The following CSF3R variants were observed in gnomAD, a reference collection of about 807,000 sequenced individuals.
CSF3R encodes the protein colony stimulating factor 3 receptor.
A neutral mutation model predicts 84.4 loss-of-function variants in CSF3R; 52 were observed. The ratio of observed to expected loss-of-function variants is 0.62; its 90% CI spans 0.49 to 0.78. The LOEUF (loss-of-function observed/expected upper bound fraction) is 0.78. CSF3R is among the 30% of genes least tolerant of loss of function. The pLI is 0.00. For missense variants in CSF3R, 890 were observed against 1,055.7 expected (o/e 0.84, Z 2.17); for synonymous variants, 384 against 429.1 (o/e 0.89, Z 1.30).
intron 4 of CSF3R, among the ~76,000 whole-genome samples, 199 bp from the exon 5 acceptor site, chr1:36,474,086 A>G (rs1314893957): frequency 6.6e-6 from 1 of 152,212 alleles, no homozygotes; most frequent in Non-Finnish European, 1.5e-5. Context: ...CGGGGCAAGC[A>G]TCACAGACTC....
At chr1:36,468,033 C>T (rs1650452898) in intron 13 of CSF3R, 42 bp downstream of exon 13, 2 of 1,614,134 alleles carry the variant, frequency 1.2e-6, no homozygotes, top group African/African-American at 2.7e-5. Context: ...GCACCCCCTT[C>T]CAGGCCTTCT....
chr1:36,480,991 A>G (rs3917920), intron 2 of CSF3R, among the ~76,000 whole-genome samples: 3,892 of 152,292 alleles, frequency 0.026, 188 homozygotes, highest in African/African-American at 0.089. Flanking sequence ...AACCTGTACA[A>G]GTATCCCGAG....
At chr1:36,473,099 T>A in intron 6 of CSF3R, 1 of 404,772 alleles carries the variant, frequency 2.5e-6, no homozygotes. Flanking sequence ...CTATCTTATT[T>A]TCCCCCCCAC....
At chr1:36,477,651 C>T (rs2124145363) in intron 3 of CSF3R, 1 of 152,258 alleles carries the variant, frequency 6.6e-6, no homozygotes, top group South Asian at 2.1e-4. Context: ...TTCTTAGGCC[C>T]GTTTTACTGA....
Position 36,473,903 on chromosome 1 carries a change from AAG to A in CSF3R, c.362-18_362-17del. The A allele has an allele frequency of 6.2e-7, 1 of 1,613,710 alleles. No homozygotes were observed. Among genetic ancestry groups the A allele is most frequent in the Non-Finnish European group, 8.5e-7 (1 of 1,179,896 alleles). On this transcript the variant is annotated splice_polypyrimidine_tract_variant and intron_variant, in intron 4 of 16. Transcript: ENST00000373106. ...GCTGGAGGGTCTGCATGTGGGTGGGAAGAGTGTGAGGGCTTTGGGTGGGACCA... is the reference window on the plus strand; with the variant it reads ...GCTGGAGGGTCTGCATGTGGGTGGGAAGTGTGAGGGCTTTGGGTGGGACCA...
Position 36,466,437 on chromosome 1 carries a change from A to C in CSF3R, c.2431T>G (p.Cys811Gly), listed in dbSNP as rs1650315583. 6.2e-7 allele frequency: 1 copy of C among 1,613,600 alleles called. No individual in the cohort carries two copies. The highest frequency in any genetic ancestry group is 2.2e-5 in the East Asian group (1 of 44,868). ...VTPAPSQEDD[C>G]VFGPLLNFPL... ...AAGTTGAGCAGTGGCCCAAAGACAC[A>C]GTCGTCCTCCTGGCTTGGGGCTGGG... is the stretch of plus-strand genomic sequence containing the variant. The change falls in exon 17 of 17, where the codon TGT (cysteine) becomes GGT (glycine). Residue 811 changes from cysteine (C) to glycine (G), a missense_variant. Transcript: ENST00000373106. The surrounding 1 kb of genome is among the most constrained non-coding windows in gnomAD (Gnocchi z 4.6).
intron 9 of CSF3R, 123 bp from the exon 10 acceptor site, chr1:36,471,769 C>A: frequency 1.1e-6 from 1 of 948,030 alleles, no homozygotes; most frequent in Admixed American, 2.2e-5. Context: ...CCAGGCTTCT[C>A]ACCCCCCTCC....
chr1:36,479,143 A>G, intron 3 of CSF3R: 1 of 484,276 alleles, frequency 2.1e-6, no homozygotes, highest in Non-Finnish European at 3.8e-6. Context: ...GCTGCATAGG[A>G]CCCATGGGTT....
intron 4 of CSF3R, 128 bp from the exon 5 acceptor site, chr1:36,474,015 T>C (rs3918014): frequency 1.4e-6 from 2 of 1,417,538 alleles, no homozygotes; most frequent in Non-Finnish European, 2.0e-6. Context: ...TGTCCCCCTG[T>C]CTCCAGGCAG....
rs1651055898 is a variant in CSF3R at position 36,475,307 on chromosome 1, G to C, written c.361+70C>G. On this transcript the variant is annotated intron_variant, in intron 4 of 16. Transcript: ENST00000373106. Reference sequence around the variant, plus strand: ...CAGGCGTGAGCCAACGTGCCCGGCTGGTAATATTCTTATTAGTATTGGCAG... The same window carrying C: ...CAGGCGTGAGCCAACGTGCCCGGCTCGTAATATTCTTATTAGTATTGGCAG... 3 of 1,587,098 alleles carry C rather than the reference G, an allele frequency of 1.9e-6. No individual in the cohort carries two copies. The South Asian group carries it at 3.3e-5, about 18-fold the overall frequency.
chr1:36,469,164 TGA>T lies in CSF3R; in HGVS notation c.1566_1567del (p.Gln523ArgfsTer27). 1 of 1,612,388 alleles carries T rather than the reference TGA, an allele frequency of 6.2e-7. No homozygotes were observed. Among genetic ancestry groups the T allele is most frequent in the African/African-American group, 1.3e-5 (1 of 74,960 alleles). Reference sequence around the variant, plus strand: ...CCTGATAGTTGACAAACCCATTTCTTGAGAGTAGGCATAGACATGCTGGGAGG... The same window carrying T: ...CCTGATAGTTGACAAACCCATTTCTTGAGTAGGCATAGACATGCTGGGAGG... On this transcript the variant is annotated frameshift_variant, in exon 12 of 17. Coordinates refer to ENST00000373106, the MANE Select transcript of CSF3R (RefSeq NM_000760.4). LOFTEE classifies it high-confidence loss of function.
intron 12 of CSF3R, 198 bp from the exon 13 acceptor site, chr1:36,468,419 C>T: frequency 1.9e-6 from 1 of 531,710 alleles, no homozygotes; most frequent in Non-Finnish European, 3.2e-6. Context: ...GGATTTGAAC[C>T]TGGCTCTGCT....
Position 36,472,442 on chromosome 1 carries a change from G to A in CSF3R, c.844-51C>T, listed in dbSNP as rs772939894. 2.5e-6 allele frequency: 4 copies of A among 1,613,730 alleles called. No individual in the cohort carries two copies. In the African/African-American group the frequency reaches 5.3e-5, roughly 22 times the overall value. ...AGCCTTGGATCGCTGGGCCATTCTAGGGCCAGCTCGAGCCCGACTTACCCT... is the reference window on the plus strand; with the variant it reads ...AGCCTTGGATCGCTGGGCCATTCTAAGGCCAGCTCGAGCCCGACTTACCCT... On this transcript the variant is annotated intron_variant, in intron 7 of 16. Transcript: ENST00000373106. The surrounding 1 kb of genome is among the most constrained non-coding windows in gnomAD (Gnocchi z 5.0).
Position 36,466,203 on chromosome 1 carries a change from A to G in CSF3R, c.*154T>C, listed in dbSNP as rs370378939. On this transcript the variant is annotated 3_prime_UTR_variant, in exon 17 of 17. Transcript: ENST00000373106. This position sits in a 1 kb window ranked among gnomAD's most constrained non-coding sequence, Gnocchi z 4.6. ...GCAGATCGCCTGGGAGGCCCAGCCT[A>G]TGGAGATTGGGAGGAGAGGGAGATG... 42 of 1,614,038 alleles carry G rather than the reference A, an allele frequency of 2.6e-5. No homozygotes were observed. The highest frequency in any genetic ancestry group is 2.2e-4 in the Admixed American group (13 of 60,006).
intron 2 of CSF3R, chr1:36,479,851 A>G: frequency 2.6e-6 from 1 of 378,346 alleles, no homozygotes; most frequent in Non-Finnish European, 5.1e-6. Context: ...CTACCCCTAG[A>G]GAGCAGAACC....
chr1:36,470,352 T>G (rs1650630967), intron 10 of CSF3R, among the ~76,000 whole-genome samples: 2 of 152,108 alleles, frequency 1.3e-5, no homozygotes, highest in African/African-American at 4.8e-5. Context: ...GCCCGGCTAA[T>G]TTTTGTATTT....
chr1:36,468,946 G>T, intron 12 of CSF3R: 1 of 576,436 alleles, frequency 1.7e-6, no homozygotes, highest in Non-Finnish European at 3.1e-6. Flanking sequence ...CTTGAATTGT[G>T]CCAACTCCCT....
chr1:36,472,399 G>C lies in CSF3R; in HGVS notation c.844-8C>G, dbSNP rs200218331. 2 of 1,613,892 alleles carry C rather than the reference G, an allele frequency of 1.2e-6. No individual in the cohort carries two copies. Among genetic ancestry groups the C allele is most frequent in the Non-Finnish European group, 1.7e-6 (2 of 1,179,986 alleles). ...CAAGGGGAGGGGGCCCACCTGGTGA[G>C]GGGTGGACAGGACTCTGAGCCTTGG... On this transcript the variant is annotated splice_region_variant and splice_polypyrimidine_tract_variant and intron_variant, in intron 7 of 16. Coordinates refer to ENST00000373106, the MANE Select transcript of CSF3R (RefSeq NM_000760.4). This position sits in a 1 kb window ranked among gnomAD's most constrained non-coding sequence, Gnocchi z 5.0.
intron 3 of CSF3R, 102 bp from the exon 4 acceptor site, chr1:36,475,775 G>A: frequency 8.5e-7 from 1 of 1,181,746 alleles, no homozygotes; most frequent in Non-Finnish European, 1.2e-6. Flanking sequence ...TCACCTTCCT[G>A]TCTCACCCTT....
Sources: gnomAD v4.1 joint callset for allele counts (sites outside exome capture counted in the v4.1 genomes callset) on GRCh38, gnomAD v4.1.1 for gene constraint, Gnocchi (gnomAD v3.1) non-coding constraint, MANE v1.5 for transcripts, NCBI Gene and HGNC (gene_info 2026-07-23, HGNC 2026-07-21) for gene names.